FAXC: variants seen among roughly 807,000 people sequenced by gnomAD.
FAXC encodes failed axon connections homolog, metaxin like GST domain containing, also known as failed axon connections homolog.
Under a neutral mutation model 41.9 loss-of-function variants are expected in FAXC, and 10 were observed. The ratio of observed to expected loss-of-function variants is 0.24; its 90% CI spans 0.15 to 0.41. FAXC has a LOEUF of 0.41. Among genes scored for constraint, FAXC ranks in the 10% least tolerant of loss-of-function variants. The pLI is 1.00. For synonymous variants in FAXC, 183 were observed against 183.8 expected, an observed-to-expected ratio of 1.00 and a Z score of 0.03; for missense variants, 399 against 510.9, an observed-to-expected ratio of 0.78 and a Z score of 2.11.
chr6:99,319,774 C>A (rs1009216421), intron 4 of FAXC, among the ~76,000 whole-genome samples: 2 of 152,138 alleles, frequency 1.3e-5, no homozygotes, highest in Non-Finnish European at 2.9e-5. Flanking sequence ...CTGAATATTT[C>A]GTATAAATCA....
rs1217743737 is a variant in FAXC, at chr6:99,323,614, A to T, written c.653T>A (p.Leu218His). The T allele has an allele frequency of 6.2e-7, 1 of 1,614,078 alleles. No individual in the cohort carries two copies. The highest frequency in any genetic ancestry group is 1.3e-5 in the African/African-American group (1 of 74,924). The change falls in exon 4 of 6, where the codon CTC (leucine) becomes CAC (histidine). Residue 218 changes from leucine (L) to histidine (H), a missense_variant. This residue lies in a region of FAXC where 239 missense variants were observed against 352.7 expected (regional missense o/e 0.68). Transcript: ENST00000389677. Reference protein sequence around the residue: ...VDNLNETRKMLSLSGGGPFSN... With the variant: ...VDNLNETRKMHSLSGGGPFSN... ...GAAGGGACCACCACCACTAAGAGAGAGCATCTTCCGGGTCTCATTGAGATT... is the reference window on the plus strand; with the variant it reads ...GAAGGGACCACCACCACTAAGAGAGTGCATCTTCCGGGTCTCATTGAGATT...
intron 2 of FAXC, among the ~76,000 whole-genome samples, chr6:99,340,724 A>G (rs1416518558): frequency 5.7e-5 from 8 of 139,690 alleles, no homozygotes; most frequent in African/African-American, 2.2e-4. Flanking sequence ...GCTGGAGTGC[A>G]ATGGCACAAT....
intron 4 of FAXC, among the ~76,000 whole-genome samples, chr6:99,294,169 T>C (rs958287889): frequency 6.6e-6 from 1 of 152,170 alleles, no homozygotes; most frequent in African/African-American, 2.4e-5. Flanking sequence ...AACTTCTCCA[T>C]CATTTGAGTC....
intron 5 of FAXC, among the ~76,000 whole-genome samples, chr6:99,286,559 A>G (rs549288939): frequency 1.3e-3 from 199 of 152,346 alleles, no homozygotes; most frequent in Non-Finnish European, 2.0e-3. Context: ...TTTTTCCTAG[A>G]GCACAGAAGG....
At chr6:99,290,101 C>CCACACACA (rs34319104) in intron 5 of FAXC, among the ~76,000 whole-genome samples, 4,899 of 142,496 alleles carry the variant, frequency 0.034, 101 homozygotes, top group African/African-American at 0.042. Flanking sequence ...CCCTACCCCA[C>CCACACACA]CACACACACA....
Position 99,276,616 on chromosome 6 carries a change from G to A in FAXC, c.*4548C>T, listed in dbSNP as rs1770634148. On this transcript the variant is annotated 3_prime_UTR_variant, in exon 6 of 6. Coordinates refer to ENST00000389677, the MANE Select transcript of FAXC (RefSeq NM_032511.4). ...GAGATTACTTTTGCTTGCATAGCCT[G>A]TACTAATTTTTCTTCTCTCTGGCTG... 6.6e-6 allele frequency: 1 copy of A among 152,112 alleles called. No homozygotes were observed. The highest frequency in any genetic ancestry group is 6.5e-5 in the Admixed American group (1 of 15,270). 9.4% of individuals were successfully genotyped at this position (152,112 alleles called of 1,614,324 possible). A position where few individuals can be genotyped will look rare whatever the true frequency, so the allele number is the denominator to read the frequency against.
intron 3 of FAXC, among the ~76,000 whole-genome samples, chr6:99,326,930 C>A (rs559526098): frequency 6.6e-6 from 1 of 152,162 alleles, no homozygotes; most frequent in Non-Finnish European, 1.5e-5. Flanking sequence ...GGAGAGGCAG[C>A]TGTTCTGGGC....
At chr6:99,298,574 C>T (rs545473763) in intron 4 of FAXC, among the ~76,000 whole-genome samples, 38 of 152,256 alleles carry the variant, frequency 2.5e-4, no homozygotes, top group Non-Finnish European at 4.1e-4. Flanking sequence ...GTCTTACCTA[C>T]GTGTAGGTCC....
Position 99,274,529 on chromosome 6 carries a change from A to C in FAXC, c.*6635T>G, listed in dbSNP as rs1770529890. On this transcript the variant is annotated 3_prime_UTR_variant, in exon 6 of 6. Transcript: ENST00000389677. The stretch of plus-strand genomic sequence containing the variant: ...AGTTTTCCAAACTTCACCATGGAAA[A>C]ACCATCGCTGTCATCAACATTTGAG... The C allele has an allele frequency of 2.0e-5, 3 of 152,212 alleles. No homozygotes were observed. The highest frequency in any genetic ancestry group is 7.2e-5 in the African/African-American group (3 of 41,450). 9.4% of individuals were successfully genotyped at this position (152,212 alleles called of 1,614,324 possible).
intron 3 of FAXC, among the ~76,000 whole-genome samples, chr6:99,327,198 G>C (rs568299022): frequency 2.0e-5 from 3 of 152,164 alleles, no homozygotes; most frequent in African/African-American, 4.8e-5. Flanking sequence ...GGTCAGGCAG[G>C]TCTTTAAGGG....
intron 1 of FAXC, among the ~76,000 whole-genome samples, chr6:99,346,057 A>G (rs1773579037): frequency 6.6e-6 from 1 of 152,192 alleles, no homozygotes; most frequent in South Asian, 2.1e-4. Context: ...AAATCCAAGT[A>G]GGCTGGGGAA....
intron 1 of FAXC, among the ~76,000 whole-genome samples, chr6:99,344,292 C>G (rs1270219528): frequency 6.6e-6 from 1 of 152,190 alleles, no homozygotes; most frequent in Non-Finnish European, 1.5e-5. Flanking sequence ...CCCCACTCCT[C>G]GGGACCCTTT....
intron 3 of FAXC, among the ~76,000 whole-genome samples, chr6:99,329,370 T>C (rs559803262): frequency 7.2e-5 from 11 of 152,256 alleles, no homozygotes; most frequent in African/African-American, 1.2e-4. Context: ...AATGAAGATA[T>C]CATGCATTAT....
intron 4 of FAXC, among the ~76,000 whole-genome samples, chr6:99,321,975 G>A (rs971439995): frequency 2.6e-5 from 4 of 152,222 alleles, no homozygotes; most frequent in Admixed American, 6.5e-5. Flanking sequence ...GCCAGGAACA[G>A]ACATAGCCAT....
chr6:99,309,326 C>A (rs1396013577), intron 4 of FAXC, among the ~76,000 whole-genome samples: 2 of 151,970 alleles, frequency 1.3e-5, no homozygotes, highest in Non-Finnish European at 2.9e-5. Flanking sequence ...GGATAAAGAC[C>A]CAGAAATAGA....
At chr6:99,323,826 G>A (rs1245711596) in intron 3 of FAXC, among the ~76,000 whole-genome samples, 159 bp from the exon 4 acceptor site, 3 of 152,268 alleles carry the variant, frequency 2.0e-5, no homozygotes, top group African/African-American at 7.2e-5. Context: ...ATCACAACAG[G>A]CTCTAGTCAA....
chr6:99,319,941 T>C (rs895105399), intron 4 of FAXC, among the ~76,000 whole-genome samples: 37 of 152,338 alleles, frequency 2.4e-4, no homozygotes, highest in African/African-American at 8.9e-4. Flanking sequence ...AGCTACATAA[T>C]CTCCTAATTT....
rs138833616 is a variant in FAXC at position 99,336,755 on chromosome 6, T to C, written c.403-3208A>G. ...AGTGTCCTCATCTGTAGAGTGGGGA[T>C]AATAACAGTTGCTAGGATGAAATGA... On this transcript the variant is annotated intron_variant, in intron 2 of 5. Coordinates refer to ENST00000389677, the MANE Select transcript of FAXC (RefSeq NM_032511.4). Among the ~76,000 whole-genome samples the C allele has an allele frequency of 9.4e-4, 143 of 152,282 alleles. 1 individual carries two copies. The highest frequency in any genetic ancestry group is 1.7e-3 in the Non-Finnish European group (114 of 68,018).
intron 4 of FAXC, among the ~76,000 whole-genome samples, chr6:99,301,453 T>A (rs1020943345): frequency 6.6e-6 from 1 of 152,200 alleles, no homozygotes; most frequent in Admixed American, 6.5e-5. Context: ...TAAATATATA[T>A]GCCTACTATG....
Sources: gnomAD v4.1 joint callset for allele counts (sites outside exome capture counted in the v4.1 genomes callset) on GRCh38, gnomAD v4.1.1 for gene constraint, gnomAD v4.1.1 regional missense constraint, MANE v1.5 for transcripts, NCBI Gene and HGNC (gene_info 2026-07-23, HGNC 2026-07-21) for gene names.